The following CLSTN1 variants were observed in gnomAD, a reference collection of about 807,000 sequenced individuals.
CLSTN1 encodes calsyntenin-1.
Under a neutral mutation model 108.3 loss-of-function variants are expected in CLSTN1, and 28 were observed. The observed-to-expected ratio is 0.26, with a 90% confidence interval of 0.19 to 0.35. The LOEUF is 0.35. Among genes scored for constraint, CLSTN1 ranks in the 10% least tolerant of loss-of-function variants. The pLI is 1.00. For missense variants in CLSTN1, 1,157 were observed against 1,302.6 expected (o/e 0.89, Z 1.72); for synonymous variants, 524 against 534.9 (o/e 0.98, Z 0.28).
At chr1:9,810,639 G>A (rs1654715711) in intron 1 of CLSTN1, among the ~76,000 whole-genome samples, 1 of 151,884 alleles carries the variant, frequency 6.6e-6, no homozygotes, top group Non-Finnish European at 1.5e-5. Context: ...GCCAGGTGTG[G>A]TGGTGTACAC....
intron 5 of CLSTN1, among the ~76,000 whole-genome samples, chr1:9,750,990 G>A (rs1296677281): frequency 2.0e-5 from 3 of 151,664 alleles, no homozygotes; most frequent in Admixed American, 6.6e-5. Context: ...ACTTGAACCC[G>A]GGAGGCAGAG....
chr1:9,812,663 A>G (rs769230570), intron 1 of CLSTN1, among the ~76,000 whole-genome samples: 2 of 151,962 alleles, frequency 1.3e-5, no homozygotes, highest in Non-Finnish European at 2.9e-5. Flanking sequence ...CCTGACAAAC[A>G]TGGAGAAACC....
chr1:9,735,142 G>A lies in CLSTN1; in HGVS notation c.1916C>T (p.Pro639Leu). 6.2e-7 allele frequency: 1 copy of A among 1,614,220 alleles called. No homozygotes were observed. Among genetic ancestry groups the A allele is most frequent in the Non-Finnish European group, 8.5e-7 (1 of 1,180,038 alleles). The change falls in exon 14 of 19, where the codon CCC becomes CTC. Residue 639 changes from proline to leucine, a missense_variant. By Grantham distance (98) the Pro-to-Leu change is moderately conservative (BLOSUM62 -3). Transcript: ENST00000377298. ...CFNEATCISV[P>L]PVDGYVMVLQ... is the part of the protein sequence containing the mutation. The stretch of plus-strand genomic sequence containing the variant: ...AACCATCACGTAGCCATCTACCGGG[G>A]GGACCGAAATGCAGGTGGCCTCGTT...
chr1:9,746,798 C>T (rs569285299), intron 7 of CLSTN1, among the ~76,000 whole-genome samples: 209 of 152,118 alleles, frequency 1.4e-3, no homozygotes, highest in African/African-American at 4.5e-3. Context: ...CTGCTTTAGT[C>T]TCAATTGTTT....
intron 15 of CLSTN1, among the ~76,000 whole-genome samples, chr1:9,733,755 A>G (rs890017985): frequency 1.3e-5 from 2 of 151,728 alleles, no homozygotes; most frequent in Non-Finnish European, 2.9e-5. Context: ...CCACGCCTCA[A>G]CCCTCCCCCT....
intron 2 of CLSTN1, among the ~76,000 whole-genome samples, chr1:9,770,808 A>G (rs910397858): frequency 6.6e-6 from 1 of 152,142 alleles, no homozygotes; most frequent in Non-Finnish European, 1.5e-5. Context: ...AGCCTGGCCA[A>G]CACGGTGAAA....
chr1:9,805,293 G>C (rs1016633771), intron 1 of CLSTN1, among the ~76,000 whole-genome samples: 1 of 152,168 alleles, frequency 6.6e-6, no homozygotes, highest in African/African-American at 2.4e-5. Context: ...ATGTCCCCTA[G>C]TTGTATCTTG....
chr1:9,791,045 T>C (rs1653745980), intron 1 of CLSTN1, among the ~76,000 whole-genome samples: 1 of 144,938 alleles, frequency 6.9e-6, no homozygotes, highest in Non-Finnish European at 1.5e-5. Flanking sequence ...GGCAGGAGAA[T>C]GGCGTGAACC....
In CLSTN1 at chr1:9,777,942, C is replaced by T. The variant is rs117718134; in HGVS notation, c.92-4548G>A. 4.3e-3 allele frequency among the ~76,000 whole-genome samples: 659 copies of T among 152,208 alleles called. 12 individuals are homozygous for T. Among genetic ancestry groups the T allele is most frequent in the East Asian group, 0.043 (222 of 5,168 alleles). ...GGTCCTTCCTGCTGCTCTCACCAAC[C>T]TCGCTCTGTCCCTCTGTTCCAACAC... On this transcript the variant is annotated intron_variant, in intron 1 of 18. Transcript: ENST00000377298.
At chr1:9,785,702 C>T (rs539913721) in intron 1 of CLSTN1, among the ~76,000 whole-genome samples, 6 of 152,226 alleles carry the variant, frequency 3.9e-5, no homozygotes, top group South Asian at 2.1e-4. Context: ...ACATCCACCC[C>T]GTTAAGGAAA....
chr1:9,770,901 G>C (rs1031834368), intron 2 of CLSTN1, among the ~76,000 whole-genome samples: 3 of 152,152 alleles, frequency 2.0e-5, no homozygotes, highest in Non-Finnish European at 4.4e-5. Context: ...GCTGAGGCAG[G>C]AAAATTGCTT....
rs558535211 is a variant in CLSTN1, at chr1:9,749,599, C to T, written c.847G>A (p.Val283Ile). The T allele has an allele frequency of 9.3e-6, 15 of 1,614,182 alleles. No homozygotes were observed. The highest frequency in any genetic ancestry group is 8.0e-5 in the African/African-American group (6 of 75,046). Residue 283 changes from valine (V) to isoleucine (I), a missense_variant, in exon 7 of 19, where the codon GTC becomes ATC. Transcript: ENST00000377298. ...EYEPGTGALAVFPNIHLETCD... is the reference protein window; with the variant it reads ...EYEPGTGALAIFPNIHLETCD... ...GTCTCCAGGTGGATATTTGGAAAGA[C>T]GGCCAACGCGCCGGTGCCCGGCTCA... is the stretch of plus-strand genomic sequence containing the variant.
In CLSTN1 at chr1:9,730,233, A is replaced by G; in HGVS notation, c.*275T>C. ...TCCCCGGGGGGAGACTCCAGACACAAACGCGGGGCCTGAGGCGCTGGGAGG... is the reference window on the plus strand; with the variant it reads ...TCCCCGGGGGGAGACTCCAGACACAGACGCGGGGCCTGAGGCGCTGGGAGG... On this transcript the variant is annotated 3_prime_UTR_variant, in exon 19 of 19. Transcript: ENST00000377298. The surrounding 1 kb of genome is among the most constrained non-coding windows in gnomAD (Gnocchi z 5.6). 1.9e-6 allele frequency: 1 copy of G among 535,668 alleles called. No homozygotes were observed. Among genetic ancestry groups the G allele is most frequent in the Non-Finnish European group, 3.4e-6 (1 of 296,238 alleles). 33.2% of individuals were successfully genotyped at this position (535,668 alleles called of 1,614,324 possible). A position where few individuals can be genotyped will look rare whatever the true frequency, so the allele number is the denominator to read the frequency against.
At chr1:9,751,366 T>C in intron 5 of CLSTN1, 107 bp downstream of exon 5, 1 of 1,046,616 alleles carries the variant, frequency 9.6e-7, no homozygotes, top group Admixed American at 2.2e-5. Flanking sequence ...GGTCTCCAAC[T>C]TGTGAGTTCC....
rs558721526 is a variant in CLSTN1 at position 9,735,416 on chromosome 1, A to T, written c.1883+51T>A. On this transcript the variant is annotated intron_variant, in intron 13 of 18. Coordinates refer to ENST00000377298, the MANE Select transcript of CLSTN1 (RefSeq NM_001009566.3). ...GTTAGGCTGTCTTAAAAACCTAAAT[A>T]TACAAGTGTCATTGGGCAAAACAGG... 3.1e-6 allele frequency: 5 copies of T among 1,613,062 alleles called. No homozygotes were observed. The South Asian group carries it at 4.4e-5, about 14-fold the overall frequency.
chr1:9,772,686 A>G (rs1285958243), intron 2 of CLSTN1, among the ~76,000 whole-genome samples: 1 of 152,196 alleles, frequency 6.6e-6, no homozygotes, highest in African/African-American at 2.4e-5. Flanking sequence ...TCTCCAAAGC[A>G]ATGCTACAGG....
At chr1:9,808,285 A>G (rs1004242144) in intron 1 of CLSTN1, among the ~76,000 whole-genome samples, 3 of 152,210 alleles carry the variant, frequency 2.0e-5, no homozygotes, top group South Asian at 2.1e-4. Context: ...GTTCAAAGCC[A>G]TGTTGTTCAA....
At chr1:9,742,351 G>T (rs1651027604) in intron 9 of CLSTN1, among the ~76,000 whole-genome samples, 1 of 151,668 alleles carries the variant, frequency 6.6e-6, no homozygotes, top group Non-Finnish European at 1.5e-5. Flanking sequence ...GTTTGAGGGG[G>T]TGATAAAAAT....
intron 1 of CLSTN1, among the ~76,000 whole-genome samples, chr1:9,798,124 GAGAGGGGAAGAGGGGA>G (rs1166103024): frequency 2.3e-5 from 3 of 131,996 alleles, no homozygotes; most frequent in Non-Finnish European, 4.7e-5. Flanking sequence ...GAGAGAGGGA[GAGAGGGGAAGAGGGGA>G]AGAGGGGAAG....
Sources: gnomAD v4.1 joint callset for allele counts (sites outside exome capture counted in the v4.1 genomes callset) on GRCh38, gnomAD v4.1.1 for gene constraint, Gnocchi (gnomAD v3.1) non-coding constraint, MANE v1.5 for transcripts, NCBI Gene and HGNC (gene_info 2026-07-23, HGNC 2026-07-21) for gene names.